MCFD2: variants seen among roughly 807,000 people sequenced by gnomAD.
The protein encoded by MCFD2 is multiple coagulation factor deficiency 2, ER cargo receptor complex subunit.
In MCFD2, 11 loss-of-function variants were observed where a neutral mutation model predicts 12.8. The observed-to-expected ratio is 0.86, with a 90% CI of 0.54 to 1.42. The LOEUF (loss-of-function observed/expected upper bound fraction) is 1.42. Among genes scored for constraint, MCFD2 ranks in the 40% most tolerant of loss-of-function variants. The pLI is 0.00. For synonymous variants in MCFD2, 70 were observed against 68.1 expected, an observed-to-expected ratio of 1.03 and a Z score of -0.14; for missense variants, 191 against 178.6, an observed-to-expected ratio of 1.07 and a Z score of -0.40.
At position 46,941,409 on chromosome 2, in the gene MCFD2, C is replaced by T. The variant is rs982338184; in HGVS notation, c.-8+163G>A. Reference sequence around the variant, plus strand: ...GCCCACCCTCCGCCGCCCGGGCCCCCGCTGCCGCCCGGGCCCCGGCTGCCG... The same window carrying T: ...GCCCACCCTCCGCCGCCCGGGCCCCTGCTGCCGCCCGGGCCCCGGCTGCCG... On this transcript the variant is annotated intron_variant, in intron 1 of 2. Coordinates refer to the MCFD2 transcript ENST00000409147. This position sits in a 1 kb window ranked among gnomAD's most constrained non-coding sequence, Gnocchi z 4.2. The T allele has an allele frequency of 1.2e-6, 1 of 844,226 alleles. No homozygotes were observed. Among genetic ancestry groups the T allele is most frequent in the Non-Finnish European group, 1.5e-6 (1 of 659,128 alleles). 52.3% of individuals were successfully genotyped at this position (844,226 alleles called of 1,614,324 possible).
At chr2:46,933,751 G>A (rs1489404559) in intron 1 of MCFD2, among the ~76,000 whole-genome samples, 2 of 152,194 alleles carry the variant, frequency 1.3e-5, no homozygotes, top group Non-Finnish European at 2.9e-5. Context: ...TGATCTGAGT[G>A]GCTGAAATGA....
rs1353380870 is a variant in MCFD2 at position 46,915,704 on chromosome 2, A to G, written c.-7+19T>C. On this transcript the variant is annotated intron_variant, in intron 1 of 3. Coordinates refer to ENST00000319466, the MANE Select transcript of MCFD2 (RefSeq NM_139279.6). ...CGCCGGGATCCCGCCCGCTGCGGAG[A>G]GTGCGCTAGTTCACTCACCCTTACG... 7 of 924,166 alleles carry G rather than the reference A, an allele frequency of 7.6e-6. No homozygotes were observed. Among genetic ancestry groups the G allele is most frequent in the Non-Finnish European group, 7.7e-6 (6 of 774,902 alleles). 57.2% of individuals were successfully genotyped at this position (924,166 alleles called of 1,614,324 possible). A position where few individuals can be genotyped will look rare whatever the true frequency, so the allele number is the denominator to read the frequency against.
rs867735310 is a variant in MCFD2 at position 46,937,648 on chromosome 2, G to A, written c.-8+3924C>T. 3.9e-5 allele frequency among the ~76,000 whole-genome samples: 6 copies of A among 152,160 alleles called. No homozygotes were observed. The highest frequency in any genetic ancestry group is 1.4e-4 in the African/African-American group (6 of 41,430). ...AGACAGGGTCTCACTAGATTGTCCA[G>A]GCTGGTCTTGAATTCCTGGACTCAA... On this transcript the variant is annotated intron_variant, in intron 1 of 2. Transcript: ENST00000409147. The surrounding 1 kb of genome is among the most constrained non-coding windows in gnomAD (Gnocchi z 4.0).
chr2:46,919,506 C>T (rs1668989006), upstream of MCFD2, among the ~76,000 whole-genome samples: 3 of 152,226 alleles, frequency 2.0e-5, no homozygotes, highest in South Asian at 6.2e-4. Context: ...GCTCTTCAGC[C>T]TGGGCAGCAA....
rs1260908783 is a variant in MCFD2 at position 46,941,085 on chromosome 2, C to G, written c.-8+487G>C. 6.7e-6 allele frequency: 1 copy of G among 149,382 alleles called. No individual in the cohort carries two copies. The highest frequency in any genetic ancestry group is 2.4e-5 in the African/African-American group (1 of 40,850). 9.3% of individuals were successfully genotyped at this position (149,382 alleles called of 1,614,324 possible). A position where few individuals can be genotyped will look rare whatever the true frequency, so the allele number is the denominator to read the frequency against. On this transcript the variant is annotated intron_variant, in intron 1 of 2. Coordinates refer to the MCFD2 transcript ENST00000409147. This position sits in a 1 kb window ranked among gnomAD's most constrained non-coding sequence, Gnocchi z 4.2. ...GGGTACCCGGGCGGCCGCGAGCGCC[C>G]TTCGCGCGCCTGGCTGCTGTGGCCG... is the stretch of plus-strand genomic sequence containing the variant.
chr2:46,934,322 A>C (rs1237722952), intron 1 of MCFD2, among the ~76,000 whole-genome samples: 1 of 152,054 alleles, frequency 6.6e-6, no homozygotes, highest in African/African-American at 2.4e-5. Context: ...GCAGTGGCAC[A>C]ATCTCAGCTC....
rs1668139321 is a variant in MCFD2, at chr2:46,904,522, G to A, written c.*941C>T. ...TCTTGCATCAGTATGACCTGGATGT[G>A]AGACCTGGAGTCAAAGGAGATTATT... On this transcript the variant is annotated 3_prime_UTR_variant, in exon 4 of 4. Coordinates refer to ENST00000319466, the MANE Select transcript of MCFD2 (RefSeq NM_139279.6). 1 of 152,282 alleles carries A rather than the reference G, an allele frequency of 6.6e-6. No individual in the cohort carries two copies. Among genetic ancestry groups the A allele is most frequent in the Admixed American group, 6.5e-5 (1 of 15,292 alleles). 9.4% of individuals were successfully genotyped at this position (152,282 alleles called of 1,614,324 possible).
At position 46,941,424 on chromosome 2, in the gene MCFD2, C is replaced by G. The variant is rs1670362113; in HGVS notation, c.-8+148G>C. 1.8e-6 allele frequency: 2 copies of G among 1,117,302 alleles called. No homozygotes were observed. Among genetic ancestry groups the G allele is most frequent in the Non-Finnish European group, 2.3e-6 (2 of 883,212 alleles). The allele number at this position is 1,117,302 out of a possible 1,614,324, so 69.2% of individuals were successfully genotyped here. A position where few individuals can be genotyped will look rare whatever the true frequency, so the allele number is the denominator to read the frequency against. On this transcript the variant is annotated intron_variant, in intron 1 of 2. Coordinates refer to the MCFD2 transcript ENST00000409147. This position sits in a 1 kb window ranked among gnomAD's most constrained non-coding sequence, Gnocchi z 4.2. ...CCCGGGCCCCCGCTGCCGCCCGGGC[C>G]CCGGCTGCCGTCTGCGCCCCCGTCG...
chr2:46,935,007 G>T (rs888495872), intron 1 of MCFD2, among the ~76,000 whole-genome samples: 15 of 151,828 alleles, frequency 9.9e-5, no homozygotes, highest in African/African-American at 3.6e-4. Context: ...CATCATGTTG[G>T]CCAGGATGGT....
upstream of MCFD2, chr2:46,916,623 TTTTG>T (rs1289581766): frequency 6.4e-6 from 1 of 156,754 alleles, no homozygotes; most frequent in Non-Finnish European, 1.4e-5. Flanking sequence ...AGGACGGTCG[TTTTG>T]TTTTTTTGTT....
At position 46,940,895 on chromosome 2, in the gene MCFD2, G is replaced by C. The variant is rs1335569079; in HGVS notation, c.-8+677C>G. On this transcript the variant is annotated intron_variant, in intron 1 of 2. Transcript: ENST00000409147. This position sits in a 1 kb window ranked among gnomAD's most constrained non-coding sequence, Gnocchi z 4.7. ...TTGTGACGTGTCAGGGGCAGCAGCG[G>C]TGACGGGGCCACCACACAAAGCCAG... Among the ~76,000 whole-genome samples, 1 of 152,162 alleles carries C rather than the reference G, an allele frequency of 6.6e-6. No homozygotes were observed. The highest frequency in any genetic ancestry group is 1.5e-5 in the Non-Finnish European group (1 of 68,022).
intron 1 of MCFD2, chr2:46,913,582 C>T (rs1429555047): frequency 6.6e-6 from 1 of 152,280 alleles, no homozygotes. Context: ...CATGGGCTAA[C>T]AGCCTGAAGA....
intron 1 of MCFD2, among the ~76,000 whole-genome samples, chr2:46,935,411 A>G (rs1669928917): frequency 6.6e-6 from 1 of 152,140 alleles, no homozygotes; most frequent in Admixed American, 6.5e-5. Flanking sequence ...ACTGAGCTTA[A>G]GCAAAAAAAA....
rs1668731614 is a variant in MCFD2 at position 46,915,804 on chromosome 2, T to TGGGGGGGGGGGGGGGGGGGGGGGG, written c.-89_-88insCCCCCCCCCCCCCCCCCCCCCCCC. On this transcript the variant is annotated 5_prime_UTR_variant, in exon 1 of 4. Transcript: ENST00000319466. ...GTCCCCAAAACGCTCTTCCTCGGCTTCGCCCCGCCCCCCCCCCCCCCCCGA... is the reference window on the plus strand; with the variant it reads ...GTCCCCAAAACGCTCTTCCTCGGCTTGGGGGGGGGGGGGGGGGGGGGGGGCGCCCCGCCCCCCCCCCCCCCCCGA... 4.9e-5 allele frequency: 28 copies of TGGGGGGGGGGGGGGGGGGGGGGGG among 568,424 alleles called. No homozygotes were observed. Among genetic ancestry groups the TGGGGGGGGGGGGGGGGGGGGGGGG allele is most frequent in the South Asian group, 1.0e-4 (1 of 9,538 alleles). 35.2% of individuals were successfully genotyped at this position (568,424 alleles called of 1,614,324 possible).
intron 1 of MCFD2, among the ~76,000 whole-genome samples, chr2:46,939,516 ACCCCC>A (rs1670154697): frequency 6.6e-6 from 1 of 152,246 alleles, no homozygotes; most frequent in East Asian, 1.9e-4. Context: ...AGTATTGGTG[ACCCCC>A]TTAAAGCAAC....
intron 1 of MCFD2, among the ~76,000 whole-genome samples, chr2:46,914,710 G>A (rs1668632539): frequency 6.6e-6 from 1 of 152,138 alleles, no homozygotes; most frequent in Admixed American, 6.5e-5. Flanking sequence ...CACCCATGGG[G>A]TACCACGAAA....
chr2:46,938,548 G>T (rs1670092690), intron 1 of MCFD2, among the ~76,000 whole-genome samples: 1 of 152,108 alleles, frequency 6.6e-6, no homozygotes, highest in African/African-American at 2.4e-5. Context: ...CTCTCCTGAG[G>T]ATTTTTTTCC....
chr2:46,941,409 CGCTGCCGCCCGGGCCCCG>C lies in MCFD2; in HGVS notation c.-8+145_-8+162del, dbSNP rs1670358992. 8 of 844,116 alleles carry C rather than the reference CGCTGCCGCCCGGGCCCCG, an allele frequency of 9.5e-6. 1 individual carries two copies. Among genetic ancestry groups the C allele is most frequent in the South Asian group, 1.0e-4 (2 of 19,114 alleles). The allele number at this position is 844,116 out of a possible 1,614,324, so 52.3% of individuals were successfully genotyped here. On this transcript the variant is annotated intron_variant, in intron 1 of 2. Coordinates refer to the MCFD2 transcript ENST00000409147. The surrounding 1 kb of genome is among the most constrained non-coding windows in gnomAD (Gnocchi z 4.2). ...GCCCACCCTCCGCCGCCCGGGCCCC[CGCTGCCGCCCGGGCCCCG>C]GCTGCCGTCTGCGCCCCCGTCGACC...
At chr2:46,921,958 G>C (rs1669127381) in intron 1 of MCFD2, among the ~76,000 whole-genome samples, 1 of 152,320 alleles carries the variant, frequency 6.6e-6, no homozygotes, top group South Asian at 2.1e-4. Flanking sequence ...ACCCACACTA[G>C]TTGGGGGGTG....
Sources: gnomAD v4.1 joint callset for allele counts (sites outside exome capture counted in the v4.1 genomes callset) on GRCh38, gnomAD v4.1.1 for gene constraint, Gnocchi (gnomAD v3.1) non-coding constraint, MANE v1.5 for transcripts, NCBI Gene and HGNC (gene_info 2026-07-23, HGNC 2026-07-21) for gene names.